LRP1B: variants seen among roughly 807,000 people sequenced by gnomAD.
LRP1B encodes low-density lipoprotein receptor-related protein 1B.
Under a neutral mutation model 556.6 loss-of-function variants are expected in LRP1B, and 217 were observed. That is an observed-to-expected ratio of 0.39 (90% CI 0.35 to 0.44). The LOEUF (loss-of-function observed/expected upper bound fraction) is 0.44, where lower values mean the gene tolerates loss of function less well. Ranked by LOEUF, LRP1B falls within the 20% of genes least tolerant of loss-of-function variation. The pLI, the probability that LRP1B is intolerant of heterozygous loss-of-function variation, is 1.00. For missense variants in LRP1B, 5,053 were observed against 5,620.8 expected (o/e 0.90, Z 3.23); for synonymous variants, 2,047 against 1,865.8 (o/e 1.10, Z -2.50).
intron 1 of LRP1B, among the ~76,000 whole-genome samples, chr2:141,917,852 C>T (rs1056561679): frequency 1.3e-5 from 2 of 152,030 alleles, no homozygotes; most frequent in Admixed American, 1.3e-4. Context: ...ATTTAGTGTA[C>T]CTGAAAGTAT....
At chr2:141,978,469 TC>T (rs1218402014) in intron 1 of LRP1B, among the ~76,000 whole-genome samples, 1 of 152,028 alleles carries the variant, frequency 6.6e-6, no homozygotes, top group African/African-American at 2.4e-5. Flanking sequence ...TAACAAGGTG[TC>T]TAAAAATAAG....
intron 66 of LRP1B, among the ~76,000 whole-genome samples, chr2:140,401,422 T>C (rs1214921015): frequency 6.6e-6 from 1 of 152,178 alleles, no homozygotes; most frequent in African/African-American, 2.4e-5. Context: ...TGAACTCTTC[T>C]GTGTAGCCAA....
At chr2:141,775,015 A>G (rs1234447324) in intron 2 of LRP1B, among the ~76,000 whole-genome samples, 4 of 152,188 alleles carry the variant, frequency 2.6e-5, no homozygotes, top group South Asian at 2.1e-4. Context: ...AGCAAACCTC[A>G]TTTTGGTTTG....
intron 1 of LRP1B, among the ~76,000 whole-genome samples, chr2:142,122,678 C>T (rs1300939025): frequency 6.6e-6 from 1 of 151,880 alleles, no homozygotes; most frequent in Non-Finnish European, 1.5e-5. Context: ...TATGGATGCC[C>T]AGTGGGCACA....
chr2:141,989,973 C>G (rs562987166), intron 1 of LRP1B, among the ~76,000 whole-genome samples: 2 of 152,052 alleles, frequency 1.3e-5, no homozygotes, highest in African/African-American at 4.8e-5. Flanking sequence ...AGTTCATAAG[C>G]CATTTTATCT....
intron 7 of LRP1B, among the ~76,000 whole-genome samples, chr2:141,149,112 G>A (rs1701857634): frequency 6.6e-6 from 1 of 152,080 alleles, no homozygotes; most frequent in Non-Finnish European, 1.5e-5. Context: ...CTGAGGGGTG[G>A]AAAGAATGTT....
intron 4 of LRP1B, among the ~76,000 whole-genome samples, chr2:141,250,546 C>A (rs1233466388): frequency 6.6e-6 from 1 of 152,140 alleles, no homozygotes; most frequent in Non-Finnish European, 1.5e-5. Context: ...CTGTTGCATC[C>A]TTTATAATAA....
intron 1 of LRP1B, among the ~76,000 whole-genome samples, chr2:142,001,108 G>A (rs752984429): frequency 4.3e-4 from 66 of 152,000 alleles, no homozygotes; most frequent in Admixed American, 5.9e-4. Flanking sequence ...TGTGCTTTTC[G>A]CCTTCCACCA....
At chr2:141,138,579 T>G (rs1381135810) in intron 7 of LRP1B, among the ~76,000 whole-genome samples, 1 of 106,974 alleles carries the variant, frequency 9.3e-6, no homozygotes, top group African/African-American at 3.8e-5. Context: ...ATAAATGTCA[T>G]TTTTTTTTTT....
At chr2:141,357,664 GA>G in intron 3 of LRP1B, among the ~76,000 whole-genome samples, 2 of 152,170 alleles carry the variant, frequency 1.3e-5, no homozygotes, top group East Asian at 3.9e-4. Context: ...ACTTATAACT[GA>G]AAACAATGTT....
At chr2:140,838,042 A>G (rs935407588) in intron 31 of LRP1B, among the ~76,000 whole-genome samples, 1 of 150,906 alleles carries the variant, frequency 6.6e-6, no homozygotes, top group African/African-American at 2.4e-5. Context: ...TTTTTTTTTT[A>G]TTATAAGCTG....
chr2:141,401,614 C>A (rs1690456102), intron 3 of LRP1B, among the ~76,000 whole-genome samples: 1 of 152,090 alleles, frequency 6.6e-6, no homozygotes, highest in Non-Finnish European at 1.5e-5. Flanking sequence ...AGACTGAAAA[C>A]CATTTCACAC....
At chr2:141,691,592 G>A (rs1011929712) in intron 2 of LRP1B, among the ~76,000 whole-genome samples, 8 of 151,264 alleles carry the variant, frequency 5.3e-5, no homozygotes, top group Non-Finnish European at 8.9e-5. Flanking sequence ...AAATGCGGGG[G>A]TCAATTAATT....
chr2:140,702,477 G>A lies in LRP1B; in HGVS notation c.6100C>T (p.Leu2034Phe). 1.2e-6 allele frequency: 2 copies of A among 1,613,512 alleles called. No individual in the cohort carries two copies. The highest frequency in any genetic ancestry group is 1.1e-5 in the South Asian group (1 of 91,082). Reference protein sequence around the residue: ...ARLDGSEKVVLVSMGIAWPNG... With the variant: ...ARLDGSEKVVFVSMGIAWPNG... ...GGCCATGCTATTCCCATGCTTACAA[G>A]GACAACCTTCTCTGAGCCATCCAAG... The change falls in exon 38 of 91, where the codon CTT becomes TTT. Residue 2034 changes from leucine to phenylalanine, a missense_variant. Leu to Phe is a conservative substitution (Grantham distance 22, BLOSUM62 0). This residue lies in a region of LRP1B where 3,619 missense variants were observed against 3,931.9 expected (regional missense o/e 0.92). Transcript: ENST00000389484.
At position 140,589,986 on chromosome 2, in the gene LRP1B, T is replaced by C. The variant is rs149780028; in HGVS notation, c.7194+8645A>G. On this transcript the variant is annotated intron_variant, in intron 43 of 90. Coordinates refer to ENST00000389484, the MANE Select transcript of LRP1B (RefSeq NM_018557.3). The stretch of plus-strand genomic sequence containing the variant: ...GAGATTGTACTATACTTTTCCAAGA[T>C]GTAATCATTAGGGAAAACTGGGTAA... Among the ~76,000 whole-genome samples the C allele has an allele frequency of 6.3e-3, 962 of 152,226 alleles. 10 individuals carry two copies. Among genetic ancestry groups the C allele is most frequent in the African/African-American group, 0.022 (898 of 41,538 alleles).
intron 66 of LRP1B, among the ~76,000 whole-genome samples, chr2:140,422,741 T>A (rs1162086248): frequency 1.3e-5 from 2 of 152,172 alleles, no homozygotes; most frequent in Non-Finnish European, 2.9e-5. Flanking sequence ...GAGCAGTAAT[T>A]GTTTATTTGT....
At chr2:141,782,257 T>C (rs1695278816) in intron 2 of LRP1B, among the ~76,000 whole-genome samples, 1 of 152,060 alleles carries the variant, frequency 6.6e-6, no homozygotes, top group Non-Finnish European at 1.5e-5. Context: ...CTCTTAAAAG[T>C]GTCTTCAAAT....
At chr2:141,268,692 G>T (rs947234346) in intron 3 of LRP1B, among the ~76,000 whole-genome samples, 2 of 152,118 alleles carry the variant, frequency 1.3e-5, no homozygotes, top group African/African-American at 4.8e-5. Context: ...GTTGAAATGG[G>T]AAGTTACACC....
intron 33 of LRP1B, among the ~76,000 whole-genome samples, chr2:140,775,064 A>C (rs1315926316): frequency 1.3e-5 from 2 of 152,090 alleles, no homozygotes; most frequent in Non-Finnish European, 2.9e-5. Context: ...TTTTATTCTA[A>C]AGTTATTAAT....
Sources: allele counts gnomAD v4.1 joint callset (sites outside exome capture counted in the v4.1 genomes callset), GRCh38; gene constraint gnomAD v4.1.1; regional missense constraint gnomAD v4.1.1; transcripts MANE v1.5; gene names NCBI Gene and HGNC (gene_info 2026-07-23, HGNC 2026-07-21).